KLC2: variants seen among roughly 807,000 people sequenced by gnomAD.
KLC2 encodes KLC 2.
KLC2 carries 35 observed loss-of-function variants against 75.1 expected under a neutral mutation model. The ratio of observed to expected loss-of-function variants is 0.47; its 90% CI spans 0.36 to 0.62. KLC2 has a LOEUF of 0.62. Among genes scored for constraint, KLC2 ranks in the 20% least tolerant of loss-of-function variants. The pLI is 0.00. For missense variants in KLC2, 611 were observed against 833.2 expected (o/e 0.73, Z 3.28); for synonymous variants, 314 against 336.7 (o/e 0.93, Z 0.74).
Position 66,261,788 on chromosome 11 carries a change from A to T in KLC2, c.275A>T (p.Lys92Met). ...SSHLGAVESEKQKLRAQVRRL... is the reference protein window; with the variant it reads ...SSHLGAVESEMQKLRAQVRRL... The stretch of plus-strand genomic sequence containing the variant: ...CACCTGGGGGCTGTAGAATCAGAGA[A>T]GCAGAAGCTGCGGGCGCAGGTGCGG... Residue 92 changes from lysine to methionine, a missense_variant, in exon 3 of 16, where the codon AAG becomes ATG. Lys to Met is a moderately conservative substitution (Grantham distance 95). Transcript: ENST00000394067. The T allele has an allele frequency of 1.2e-6, 2 of 1,612,706 alleles. No homozygotes were observed. Among genetic ancestry groups the T allele is most frequent in the Non-Finnish European group, 1.7e-6 (2 of 1,179,944 alleles).
chr11:66,249,751 C>G, the KLC2 span, among the ~76,000 whole-genome samples: 1 of 152,136 alleles, frequency 6.6e-6, no homozygotes, highest in African/African-American at 2.4e-5. Flanking sequence ...AGCAAGACTC[C>G]TGATTTCCCT....
chr11:66,245,806 C>T, the KLC2 span, among the ~76,000 whole-genome samples: 6 of 152,346 alleles, frequency 3.9e-5, no homozygotes, highest in East Asian at 3.9e-4. Flanking sequence ...CACTTGAACC[C>T]GGGAGGCGGA....
intron 9 of KLC2, 74 bp downstream of exon 9, chr11:66,264,518 T>C: frequency 9.0e-7 from 1 of 1,115,648 alleles, no homozygotes. Flanking sequence ...CCAGGACAAA[T>C]CCCTCAGCAG....
At position 66,267,287 on chromosome 11, in the gene KLC2, C is replaced by G. The variant is rs1208496189; in HGVS notation, c.*331C>G. The G allele has an allele frequency of 5.8e-6, 6 of 1,037,646 alleles. No individual in the cohort carries two copies. The highest frequency in any genetic ancestry group is 3.2e-5 in the African/African-American group (2 of 63,088). 64.3% of individuals were successfully genotyped at this position (1,037,646 alleles called of 1,614,324 possible). ...GCCAAGAACACTAAGCACTCGCCGG[C>G]CCTTCGGCACCCTCGCCCTCCCTCC... is the stretch of plus-strand genomic sequence containing the variant. On this transcript the variant is annotated 3_prime_UTR_variant, in exon 16 of 16. Transcript: ENST00000394067.
In KLC2 at chr11:66,265,314, CCCCTCCTCTG is replaced by C. The variant is rs2134833972; in HGVS notation, c.1334+81_1334+90del. 4.8e-6 allele frequency: 6 copies of C among 1,245,010 alleles called. No homozygotes were observed. In the South Asian group the frequency reaches 7.6e-5, roughly 16 times the overall value. 77.1% of individuals were successfully genotyped at this position (1,245,010 alleles called of 1,614,324 possible). A position where few individuals can be genotyped will look rare whatever the true frequency, so the allele number is the denominator to read the frequency against. ...ATTCCATACTCTCACCCCCAACACA[CCCCTCCTCTG>C]CTGCTCATCTGGCAAGGCCCAACTC... is the stretch of plus-strand genomic sequence containing the variant. On this transcript the variant is annotated intron_variant, in intron 11 of 15. Transcript: ENST00000394067.
the KLC2 span, among the ~76,000 whole-genome samples, chr11:66,247,856 C>T: frequency 6.6e-6 from 1 of 152,202 alleles, no homozygotes; most frequent in Admixed American, 6.5e-5. Context: ...CTACTCAAGA[C>T]ATTTTAACTG....
At chr11:66,258,441 G>C (rs541719676) in intron 1 of KLC2, 143 bp from the exon 2 acceptor site, 54 of 612,854 alleles carry the variant, frequency 8.8e-5, no homozygotes, top group Non-Finnish European at 1.5e-4. Context: ...GGCCAAGCGC[G>C]GGCACGGTGC....
chr11:66,253,898 G>A (rs1855983142), upstream of KLC2, among the ~76,000 whole-genome samples: 1 of 152,254 alleles, frequency 6.6e-6, no homozygotes, highest in African/African-American at 2.4e-5. Context: ...ACCTGCACAA[G>A]TCACAAAGGG....
At chr11:66,258,531 G>A in intron 1 of KLC2, 53 bp from the exon 2 acceptor site, 3 of 1,240,922 alleles carry the variant, frequency 2.4e-6, no homozygotes, top group South Asian at 1.2e-5. Context: ...CGGGGCGGAC[G>A]GCGGTGTGGC....
At chr11:66,265,440 C>T (rs1856754930) in intron 11 of KLC2, 2 of 672,566 alleles carry the variant, frequency 3.0e-6, no homozygotes, top group Non-Finnish European at 5.1e-6. Context: ...CTGGTGACAA[C>T]ATCCCATGAG....
In KLC2 at chr11:66,265,059, G is replaced by A. The variant is rs776301774; in HGVS notation, c.1253G>A (p.Arg418Gln). 36 of 1,612,876 alleles carry A rather than the reference G, an allele frequency of 2.2e-5. No homozygotes were observed. In the Admixed American group the frequency reaches 4.3e-4, roughly 19 times the overall value. ...NKPIWMHAEE[R>Q]EESKDKRRDS... ...CCCATCTGGATGCACGCAGAGGAGC[G>A]GGAGGAAAGCAAGGTAGCTCTGTGG... is the stretch of plus-strand genomic sequence containing the variant. The change falls in exon 10 of 16, where the codon CGG becomes CAG. Residue 418 changes from arginine to glutamine, a missense_variant. Transcript: ENST00000394067.
rs199596846 is a variant in KLC2 at position 66,264,372 on chromosome 11, T to G, written c.1144T>G (p.Tyr382Asp). 1.5e-5 allele frequency: 24 copies of G among 1,613,430 alleles called. No individual in the cohort carries two copies. In the East Asian group the frequency reaches 5.3e-4, roughly 36 times the overall value. ...TTCCTGCTACCTGAAGCAGGGCAAG[T>G]ACCAGGATGCGGAGACCTTGTACAA... ...LASCYLKQGK[Y>D]QDAETLYKEI... is the part of the protein sequence containing the mutation. Residue 382 changes from tyrosine (Y) to aspartate (D), a missense_variant, in exon 9 of 16, where the codon TAC becomes GAC. Coordinates refer to ENST00000394067, the MANE Select transcript of KLC2 (RefSeq NM_001318734.2).
intron 9 of KLC2, 82 bp from the exon 10 acceptor site, chr11:66,264,941 T>TC: frequency 2.1e-6 from 3 of 1,396,472 alleles, no homozygotes; most frequent in Non-Finnish European, 3.0e-6. Context: ...TGGTCTCCCC[T>TC]CCCCTGACCC....
At chr11:66,252,337 G>T (rs1485926582), upstream of KLC2, among the ~76,000 whole-genome samples, 1 of 152,174 alleles carries the variant, frequency 6.6e-6, no homozygotes, top group East Asian at 1.9e-4. Flanking sequence ...CCAGGCTGGA[G>T]TGCAGTGGCG....
intron 2 of KLC2, among the ~76,000 whole-genome samples, chr11:66,260,316 C>T (rs1856302681): frequency 6.6e-6 from 1 of 152,140 alleles, no homozygotes; most frequent in Non-Finnish European, 1.5e-5. Flanking sequence ...TAGAGAGGAC[C>T]ACTCAGGGGC....
chr11:66,265,539 G>A, intron 11 of KLC2, 116 bp from the exon 12 acceptor site: 1 of 849,280 alleles, frequency 1.2e-6, no homozygotes. Context: ...ACATGGGAAG[G>A]AATGGATTCT....
At chr11:66,260,705 T>C (rs537850610) in intron 2 of KLC2, among the ~76,000 whole-genome samples, 23 of 152,252 alleles carry the variant, frequency 1.5e-4, no homozygotes, top group African/African-American at 5.5e-4. Flanking sequence ...CAAGTGATTC[T>C]CCTGCCTCAG....
chr11:66,266,775 G>T, intron 15 of KLC2, 98 bp from the exon 16 acceptor site: 2 of 1,289,478 alleles, frequency 1.6e-6, no homozygotes, highest in East Asian at 2.3e-5. Context: ...CCCAGCTCAG[G>T]GATTCCGGCT....
In KLC2 at chr11:66,267,007, AC is replaced by A; in HGVS notation, c.*55del. ...AGCGCCCACCTGGCACACCCCCCTCACCCCAGCCCTGCGCATGGGCCTGCTG... is the reference window on the plus strand; with the variant it reads ...AGCGCCCACCTGGCACACCCCCCTCACCCAGCCCTGCGCATGGGCCTGCTG... On this transcript the variant is annotated 3_prime_UTR_variant, in exon 16 of 16. Coordinates refer to ENST00000394067, the MANE Select transcript of KLC2 (RefSeq NM_001318734.2). The A allele has an allele frequency of 1.9e-6, 3 of 1,578,002 alleles. No individual in the cohort carries two copies. The highest frequency in any genetic ancestry group is 2.6e-6 in the Non-Finnish European group (3 of 1,167,420).
Sources: gnomAD v4.1 joint callset for allele counts (sites outside exome capture counted in the v4.1 genomes callset) on GRCh38, gnomAD v4.1.1 for gene constraint, MANE v1.5 for transcripts, NCBI Gene and HGNC (gene_info 2026-07-23, HGNC 2026-07-21) for gene names.